The following STARD9 variants were observed in gnomAD, a reference collection of about 807,000 sequenced individuals.
The protein encoded by STARD9 is StAR related lipid transfer domain containing 9, also known as stAR-related lipid transfer protein 9.
In STARD9, 346 loss-of-function variants were observed where a neutral mutation model predicts 399.8. The ratio of observed to expected loss-of-function variants is 0.87; its 90% CI spans 0.79 to 0.95. The LOEUF is 0.95. Ranked by LOEUF, STARD9 falls within the 40% of genes least tolerant of loss-of-function variation. STARD9 has a pLI of 0.00. For synonymous variants in STARD9, 2,203 were observed against 2,143.5 expected (o/e 1.03, Z -0.77); for missense variants, 5,832 against 5,667.5 (o/e 1.03, Z -0.93).
In STARD9 at chr15:42,651,083, C is replaced by T. The variant is rs1312357351; in HGVS notation, c.627C>T (p.Asn209=). The T allele has an allele frequency of 6.5e-7, 1 of 1,531,456 alleles. No homozygotes were observed. Among genetic ancestry groups the T allele is most frequent in the Non-Finnish European group, 8.8e-7 (1 of 1,142,290 alleles). The allele number at this position is 1,531,456 out of a possible 1,614,324, so 94.9% of individuals were successfully genotyped here. The part of the protein sequence containing the change: ...VIQLLEEGIA[N]RITAATHVHE... ...AACTCTTGGAGGAGGGAATTGCAAA[C>T]AGGTAACAGGTTTGTTTGTTTCTGT... The change falls in exon 8 of 33, where the codon AAC becomes AAT. Residue 209 remains asparagine (N), a splice_region_variant and synonymous_variant. Coordinates refer to ENST00000290607, the MANE Select transcript of STARD9 (RefSeq NM_020759.3).
intron 15 of STARD9, among the ~76,000 whole-genome samples, chr15:42,667,545 A>C (rs4923950): frequency 6.6e-6 from 1 of 151,290 alleles, no homozygotes; most frequent in African/African-American, 2.4e-5. Flanking sequence ...GCAATGGTGT[A>C]ATCTCGGCTC....
At chr15:42,580,012 C>T (rs1280331999) in intron 1 of STARD9, among the ~76,000 whole-genome samples, 1 of 152,118 alleles carries the variant, frequency 6.6e-6, no homozygotes, top group Non-Finnish European at 1.5e-5. Context: ...AGGACTCTGC[C>T]AGCAACAAGA....
rs1168156630 is a variant in STARD9, at chr15:42,682,238, C to A, written c.2200C>A (p.Gln734Lys). Residue 734 changes from glutamine to lysine, a missense_variant, in exon 22 of 33, where the codon CAG becomes AAG. Physicochemically the swap from Gln to Lys is moderately conservative, Grantham distance 53. Around this residue, in one of 2 missense-constraint regions of STARD9, gnomAD observed 5,828 missense variants for 5,651.1 expected, o/e 1.03. Transcript: ENST00000290607. Reference sequence around the variant, plus strand: ...TTGGCTTCAGACAGATCCTGAGATTCAGCCATCCCCATTTGTCCAAAGTCA... The same window carrying A: ...TTGGCTTCAGACAGATCCTGAGATTAAGCCATCCCCATTTGTCCAAAGTCA... The part of the protein sequence containing the change: ...DAWLQTDPEI[Q>K]PSPFVQSQKR... 1 of 1,537,284 alleles carries A rather than the reference C, an allele frequency of 6.5e-7. No individual in the cohort carries two copies. The highest frequency in any genetic ancestry group is 1.2e-5 in the South Asian group (1 of 84,060).
chr15:42,674,723 G>T (rs2060274401), intron 17 of STARD9, 104 bp from the exon 18 acceptor site: 6 of 1,419,608 alleles, frequency 4.2e-6, no homozygotes, highest in Non-Finnish European at 5.6e-6. Context: ...TTTTATTATG[G>T]TATGAGGTCT....
intron 26 of STARD9, among the ~76,000 whole-genome samples, chr15:42,699,930 C>T (rs1463815314): frequency 7.2e-5 from 11 of 152,242 alleles, no homozygotes; most frequent in Admixed American, 6.5e-5. Flanking sequence ...TGGTCTCAAA[C>T]TCCCGACCTC....
intron 3 of STARD9, among the ~76,000 whole-genome samples, chr15:42,612,282 A>G (rs1196789513): frequency 6.6e-6 from 1 of 152,138 alleles, no homozygotes; most frequent in African/African-American, 2.4e-5. Flanking sequence ...CTGGCCCCTT[A>G]TTAGCATTCT....
At chr15:42,596,329 T>C (rs761357388) in intron 3 of STARD9, among the ~76,000 whole-genome samples, 1 of 152,206 alleles carries the variant, frequency 6.6e-6, no homozygotes, top group Non-Finnish European at 1.5e-5. Context: ...AAATTCCTTA[T>C]ACTCACCCTT....
intron 4 of STARD9, among the ~76,000 whole-genome samples, chr15:42,636,231 G>T (rs1228160975): frequency 6.6e-6 from 1 of 152,144 alleles, no homozygotes; most frequent in Non-Finnish European, 1.5e-5. Context: ...GGGAGGTTGA[G>T]GCTGCAGTGA....
intron 10 of STARD9, among the ~76,000 whole-genome samples, chr15:42,661,500 A>G (rs2059993102): frequency 6.6e-6 from 1 of 151,912 alleles, no homozygotes. Context: ...GCTGGAGTGC[A>G]GTAGTATGAT....
intron 16 of STARD9, chr15:42,673,999 T>C (rs180890202): frequency 2.2e-5 from 10 of 456,990 alleles, no homozygotes; most frequent in Admixed American, 2.1e-4. Flanking sequence ...CTTCACAAAA[T>C]GCTTGTTTGA....
rs750971770 is a variant in STARD9 at position 42,691,764 on chromosome 15, G to A, written c.10186G>A (p.Asp3396Asn). Residue 3396 changes from aspartate (D) to asparagine (N), a missense_variant, in exon 23 of 33, where the codon GAT becomes AAT. Coordinates refer to ENST00000290607, the MANE Select transcript of STARD9 (RefSeq NM_020759.3). ...ATCTCGCTTGGATGATGGGACTACCGATCACAGGCACCTGAAGCCTGCCAC... is the reference window on the plus strand; with the variant it reads ...ATCTCGCTTGGATGATGGGACTACCAATCACAGGCACCTGAAGCCTGCCAC... ...ASSRLDDGTT[D>N]HRHLKPATPP... 15 of 1,537,090 alleles carry A rather than the reference G, an allele frequency of 9.8e-6. No individual in the cohort carries two copies. The highest frequency in any genetic ancestry group is 7.1e-5 in the South Asian group (6 of 84,060).
chr15:42,692,370 G>C lies in STARD9; in HGVS notation c.10792G>C (p.Asp3598His). Residue 3598 changes from aspartate (D) to histidine (H), a missense_variant, in exon 23 of 33, where the codon GAC becomes CAC. Coordinates refer to ENST00000290607, the MANE Select transcript of STARD9 (RefSeq NM_020759.3). ...PQFRGPSGEADCLRSKPPLAK... is the reference protein window; with the variant it reads ...PQFRGPSGEAHCLRSKPPLAK... ...GTTCAGGGGCCCTTCTGGTGAAGCA[G>C]ACTGTCTGAGGAGTAAGCCCCCCTT... The C allele has an allele frequency of 6.5e-7, 1 of 1,536,986 alleles. No individual in the cohort carries two copies. The highest frequency in any genetic ancestry group is 8.7e-7 in the Non-Finnish European group (1 of 1,146,910).
chr15:42,663,791 T>G (rs768388969), intron 12 of STARD9, 29 bp from the exon 13 acceptor site: 1 of 1,475,274 alleles, frequency 6.8e-7, no homozygotes, highest in African/African-American at 1.4e-5. Context: ...TGGGCTGGCA[T>G]GTTTTTAAAC....
chr15:42,677,729 A>G (rs753105974), intron 20 of STARD9, among the ~76,000 whole-genome samples: 1 of 152,156 alleles, frequency 6.6e-6, no homozygotes, highest in Non-Finnish European at 1.5e-5. Flanking sequence ...CTGTTTCCCT[A>G]CCTCTAAAGA....
chr15:42,681,167 T>C (rs2060419222), intron 20 of STARD9, among the ~76,000 whole-genome samples: 1 of 152,178 alleles, frequency 6.6e-6, no homozygotes. Context: ...TTTCCTTAAC[T>C]AAAATGGATT....
intron 3 of STARD9, among the ~76,000 whole-genome samples, chr15:42,615,455 A>G (rs994281984): frequency 6.6e-6 from 1 of 152,170 alleles, no homozygotes; most frequent in African/African-American, 2.4e-5. Flanking sequence ...ATGAAATGGT[A>G]TTGACTGAAA....
intron 7 of STARD9, among the ~76,000 whole-genome samples, chr15:42,642,046 T>G (rs2059549532): frequency 6.6e-6 from 1 of 152,224 alleles, no homozygotes; most frequent in African/African-American, 2.4e-5. Context: ...AAAAAAATGT[T>G]TTCTTTCTTT....
intron 3 of STARD9, among the ~76,000 whole-genome samples, chr15:42,606,054 A>G (rs2058716568): frequency 2.0e-5 from 3 of 152,204 alleles, no homozygotes; most frequent in South Asian, 2.1e-4. Flanking sequence ...TAATTTTGGA[A>G]AATGTTCAAA....
chr15:42,704,246 T>A (rs1233617784), intron 26 of STARD9, among the ~76,000 whole-genome samples: 1 of 152,190 alleles, frequency 6.6e-6, no homozygotes, highest in Non-Finnish European at 1.5e-5. Flanking sequence ...GTTTCTCTCA[T>A]AGATTTCTGA....
Sources: gnomAD v4.1 joint callset for allele counts (sites outside exome capture counted in the v4.1 genomes callset) on GRCh38, gnomAD v4.1.1 for gene constraint, gnomAD v4.1.1 regional missense constraint, MANE v1.5 for transcripts, NCBI Gene and HGNC (gene_info 2026-07-23, HGNC 2026-07-21) for gene names.